CCDC25: variants seen among roughly 807,000 people sequenced by gnomAD.
CCDC25 encodes coiled-coil domain-containing protein 25.
A neutral mutation model predicts 35.3 loss-of-function variants in CCDC25; 16 were observed. The ratio of observed to expected loss-of-function variants is 0.45; its 90% confidence interval spans 0.31 to 0.69. CCDC25 has a LOEUF of 0.69. CCDC25 is among the 30% of genes least tolerant of loss of function. The pLI is 0.06. For missense variants in CCDC25, 179 were observed against 250.7 expected (o/e 0.71, Z 1.93); for synonymous variants, 79 against 80.3 (o/e 0.98, Z 0.09).
chr8:27,750,588 G>C (rs1221280035), intron 5 of CCDC25, among the ~76,000 whole-genome samples: 1 of 152,182 alleles, frequency 6.6e-6, no homozygotes, highest in East Asian at 1.9e-4. Flanking sequence ...CAGGTGCAAG[G>C]TCAGAAAACA....
At chr8:27,769,868 G>A (rs1402564793) in intron 1 of CCDC25, among the ~76,000 whole-genome samples, 3 of 152,212 alleles carry the variant, frequency 2.0e-5, no homozygotes, top group East Asian at 1.9e-4. Context: ...TTGGCTGAGC[G>A]TGGTGATTCA....
chr8:27,772,191 A>C, intron 1 of CCDC25: 1 of 460,774 alleles, frequency 2.2e-6, no homozygotes, highest in South Asian at 3.0e-5. Context: ...ACTTGGGATA[A>C]GGTGTGTGGA....
chr8:27,764,396 G>A (rs1184627516), intron 2 of CCDC25: 2 of 300,346 alleles, frequency 6.7e-6, no homozygotes, highest in East Asian at 1.4e-4. Flanking sequence ...AGCCTCCAGA[G>A]TAGCAAGGAC....
chr8:27,763,233 T>C (rs1804286235), intron 2 of CCDC25, among the ~76,000 whole-genome samples: 1 of 152,224 alleles, frequency 6.6e-6, no homozygotes, highest in Non-Finnish European at 1.5e-5. Context: ...AAGTTGTCCA[T>C]ATTTCTGATT....
At chr8:27,757,701 A>T (rs1205529602) in intron 3 of CCDC25, among the ~76,000 whole-genome samples, 1 of 152,180 alleles carries the variant, frequency 6.6e-6, no homozygotes, top group Non-Finnish European at 1.5e-5. Context: ...ACAACAAACA[A>T]GGTAACACTA....
intron 4 of CCDC25, 140 bp from the exon 5 acceptor site, chr8:27,752,727 A>G: frequency 1.9e-6 from 1 of 534,452 alleles, no homozygotes; most frequent in Non-Finnish European, 3.3e-6. Context: ...AGAACACTGA[A>G]AAGTAAATTT....
intron 3 of CCDC25, among the ~76,000 whole-genome samples, chr8:27,759,363 T>C (rs1304687232): frequency 1.3e-5 from 2 of 152,102 alleles, no homozygotes; most frequent in Non-Finnish European, 2.9e-5. Context: ...TGCCAGCACT[T>C]TGGGAGGCCG....
chr8:27,741,972 C>T (rs909475050), intron 7 of CCDC25, among the ~76,000 whole-genome samples: 14 of 152,062 alleles, frequency 9.2e-5, no homozygotes, highest in African/African-American at 1.4e-4. Context: ...CAGCTTATTG[C>T]GATACTCCAA....
intron 7 of CCDC25, among the ~76,000 whole-genome samples, chr8:27,742,268 C>T (rs1175563153): frequency 6.6e-6 from 1 of 152,244 alleles, no homozygotes; most frequent in African/African-American, 2.4e-5. Flanking sequence ...AGGGAGAGAC[C>T]AGTAAGTCTT....
intron 1 of CCDC25, among the ~76,000 whole-genome samples, chr8:27,771,452 A>G (rs1026279773): frequency 1.3e-5 from 2 of 152,202 alleles, no homozygotes; most frequent in African/African-American, 4.8e-5. Context: ...GAGATTATTG[A>G]CAATAACTAA....
At chr8:27,748,792 C>A (rs998478227) in intron 5 of CCDC25, among the ~76,000 whole-genome samples, 194 bp from the exon 6 acceptor site, 1 of 152,158 alleles carries the variant, frequency 6.6e-6, no homozygotes, top group Non-Finnish European at 1.5e-5. Context: ...AAAATTCAAA[C>A]GGAAGTATTA....
At chr8:27,740,086 G>A (rs542059936) in intron 8 of CCDC25, among the ~76,000 whole-genome samples, 22 of 152,178 alleles carry the variant, frequency 1.4e-4, no homozygotes, top group South Asian at 1.0e-3. Context: ...TGATAATTTT[G>A]TTCTCATTCA....
intron 4 of CCDC25, chr8:27,754,638 A>AACT (rs1585359588): frequency 6.6e-6 from 1 of 152,314 alleles, no homozygotes; most frequent in East Asian, 1.9e-4. Context: ...CTGGGACCAC[A>AACT]GGTGGGTATC....
rs370757524 is a variant in CCDC25, at chr8:27,771,516, G to GCTCT, written c.28+993_28+996dup. On this transcript the variant is annotated intron_variant, in intron 1 of 8. Transcript: ENST00000356537. ...ACTGTAATAAAAGTTAGGTGACTCTGCTCTCTCTCTCTCTCAAAACCTTAT... is the reference window on the plus strand; with the variant it reads ...ACTGTAATAAAAGTTAGGTGACTCTGCTCTCTCTCTCTCTCTCTCAAAACCTTAT... Among the ~76,000 whole-genome samples the GCTCT allele has an allele frequency of 7.8e-3, 1,189 of 151,542 alleles. 14 individuals are homozygous for GCTCT. Among genetic ancestry groups the GCTCT allele is most frequent in the African/African-American group, 0.027 (1,126 of 41,344 alleles).
At chr8:27,770,244 C>T (rs1804544807) in intron 1 of CCDC25, among the ~76,000 whole-genome samples, 1 of 152,118 alleles carries the variant, frequency 6.6e-6, no homozygotes, top group Non-Finnish European at 1.5e-5. Context: ...GAGTTCAAGA[C>T]CAGCCTGAGC....
At position 27,754,223 on chromosome 8, in the gene CCDC25, C is replaced by T. The variant is rs1264052180; in HGVS notation, c.169-1636G>A. ...ATTCATAATGCTGAAAAATTGGAAA[C>T]AACCTATATTCTGACAAAAGAGTTT... On this transcript the variant is annotated intron_variant, in intron 4 of 8. Coordinates refer to ENST00000356537, the MANE Select transcript of CCDC25 (RefSeq NM_018246.3). Among the ~76,000 whole-genome samples, 3 of 152,260 alleles carry T rather than the reference C, an allele frequency of 2.0e-5. No homozygotes were observed. The South Asian group carries it at 6.2e-4, about 32-fold the overall frequency.
intron 7 of CCDC25, among the ~76,000 whole-genome samples, chr8:27,742,779 A>C (rs1803483010): frequency 6.6e-6 from 1 of 152,230 alleles, no homozygotes; most frequent in African/African-American, 2.4e-5. Flanking sequence ...AGGCAGGAGA[A>C]TAGCTTGAAC....
chr8:27,756,495 G>GC (rs1804007673), intron 4 of CCDC25: 1 of 504,852 alleles, frequency 2.0e-6, no homozygotes. Flanking sequence ...GATAAGCAGT[G>GC]CATCTAGCTG....
At chr8:27,750,874 T>C (rs1803776321) in intron 5 of CCDC25, among the ~76,000 whole-genome samples, 1 of 152,182 alleles carries the variant, frequency 6.6e-6, no homozygotes, top group South Asian at 2.1e-4. Flanking sequence ...TTCTGAGCAC[T>C]GCAGATGGTA....
Sources: allele counts gnomAD v4.1 joint callset (sites outside exome capture counted in the v4.1 genomes callset), GRCh38; gene constraint gnomAD v4.1.1; transcripts MANE v1.5; gene names NCBI Gene and HGNC (gene_info 2026-07-23, HGNC 2026-07-21).